ATP1B3: variants seen among roughly 807,000 people sequenced by gnomAD.
ATP1B3 encodes the protein ATPase Na+/K+ transporting subunit beta 3.
In ATP1B3, 10 loss-of-function variants were observed where a neutral mutation model predicts 30.2. That is an observed-to-expected ratio of 0.33 (90% CI 0.20 to 0.56). The LOEUF is 0.56. Among genes scored for constraint, ATP1B3 ranks in the 20% least tolerant of loss-of-function variants. The pLI is 0.90. For synonymous variants in ATP1B3, 113 were observed against 117.0 expected, an observed-to-expected ratio of 0.97 and a Z score of 0.22; for missense variants, 238 against 336.7, an observed-to-expected ratio of 0.71 and a Z score of 2.29.
Position 141,876,671 on chromosome 3 carries a change from G to T in ATP1B3, c.-131G>T, listed in dbSNP as rs1220118653. On this transcript the variant is annotated 5_prime_UTR_variant, in exon 1 of 7. Coordinates refer to ENST00000286371, the MANE Select transcript of ATP1B3 (RefSeq NM_001679.4). ...CGGCTCGAGTACTCCCCGTAACGAG[G>T]AGGTGTTCTCGGCCGTCCCACCCTT... is the stretch of plus-strand genomic sequence containing the variant. 5 of 588,522 alleles carry T rather than the reference G, an allele frequency of 8.5e-6. No individual in the cohort carries two copies. The highest frequency in any genetic ancestry group is 4.0e-5 in the South Asian group (2 of 49,738). The allele number at this position is 588,522 out of a possible 1,614,324, so 36.5% of individuals were successfully genotyped here.
In ATP1B3 at chr3:141,876,940, C is replaced by T. The variant is rs374773348; in HGVS notation, c.109+30C>T. The T allele has an allele frequency of 2.8e-5, 43 of 1,524,092 alleles. No individual in the cohort carries two copies. In the African/African-American group the frequency reaches 5.5e-4, roughly 20 times the overall value. The allele number at this position is 1,524,092 out of a possible 1,614,324, so 94.4% of individuals were successfully genotyped here. On this transcript the variant is annotated intron_variant, in intron 1 of 6. Coordinates refer to ENST00000286371, the MANE Select transcript of ATP1B3 (RefSeq NM_001679.4). ...GCGGGCAGCAGCTGGGCGTCCGGGG[C>T]CGGCCTCGGTCCCGGGGGCGCCGGG...
intron 3 of ATP1B3, among the ~76,000 whole-genome samples, chr3:141,910,343 A>G (rs916597633): frequency 3.9e-5 from 6 of 152,074 alleles, no homozygotes; most frequent in African/African-American, 1.4e-4. Flanking sequence ...TTTTTCTTCC[A>G]TATCTATAAA....
intron 1 of ATP1B3, among the ~76,000 whole-genome samples, chr3:141,889,048 T>C (rs1933885926): frequency 6.7e-6 from 1 of 150,166 alleles, no homozygotes; most frequent in South Asian, 2.1e-4. Context: ...AGCAAGGCAC[T>C]TCTTATTCTT....
In ATP1B3 at chr3:141,913,809, C is replaced by A; in HGVS notation, c.504C>A (p.Asn168Lys). ...NDPDFGYSQGNPCILVKMNRI... is the reference protein window; with the variant it reads ...NDPDFGYSQGKPCILVKMNRI... ...CTGATTTTGGCTATTCTCAAGGAAA[C>A]CCTTGTATTCTTGTGAAAATGAACA... is the stretch of plus-strand genomic sequence containing the variant. Residue 168 changes from asparagine (N) to lysine (K), a missense_variant, in exon 4 of 7, where the codon AAC (asparagine) becomes AAA (lysine). Physicochemically the swap from Asn to Lys is moderately conservative, Grantham distance 94. Around this residue, in one of 3 missense-constraint regions of ATP1B3, gnomAD observed 58 missense variants for 125.6 expected, o/e 0.46. Transcript: ENST00000286371. The A allele has an allele frequency of 1.2e-6, 2 of 1,612,864 alleles. No homozygotes were observed. Among genetic ancestry groups the A allele is most frequent in the Non-Finnish European group, 8.5e-7 (1 of 1,179,564 alleles).
At chr3:141,877,017 C>T (rs1933610507) in intron 1 of ATP1B3, 107 bp downstream of exon 1, 3 of 778,728 alleles carry the variant, frequency 3.9e-6, no homozygotes, top group Non-Finnish European at 5.6e-6. Context: ...CGCCGGGGCT[C>T]CCGACCGCCC....
rs550676502 is a variant in ATP1B3 at position 141,895,991 on chromosome 3, A to T, written c.110-7629A>T. On this transcript the variant is annotated intron_variant, in intron 1 of 6. Coordinates refer to ENST00000286371, the MANE Select transcript of ATP1B3 (RefSeq NM_001679.4). ...ACTAATGATTTGGAACACACTTTTT[A>T]TGGGCTTATTTTTGCAATCCTTACA... 2.0e-5 allele frequency among the ~76,000 whole-genome samples: 3 copies of T among 152,132 alleles called. No individual in the cohort carries two copies. In the East Asian group the frequency reaches 5.8e-4, roughly 29 times the overall value.
chr3:141,888,314 A>G (rs534210221), intron 1 of ATP1B3, among the ~76,000 whole-genome samples: 3 of 152,282 alleles, frequency 2.0e-5, no homozygotes, highest in Admixed American at 6.5e-5. Context: ...ACAGATGACT[A>G]TCAGGTTTCC....
chr3:141,885,506 T>A (rs1933811661), intron 1 of ATP1B3, among the ~76,000 whole-genome samples: 2 of 152,180 alleles, frequency 1.3e-5, no homozygotes, highest in Non-Finnish European at 2.9e-5. Context: ...TGGAGTGCAA[T>A]GGCACAATCT....
chr3:141,887,170 C>T (rs1476431853), intron 1 of ATP1B3, among the ~76,000 whole-genome samples: 1 of 152,168 alleles, frequency 6.6e-6, no homozygotes, highest in Non-Finnish European at 1.5e-5. Flanking sequence ...TACCTAACTC[C>T]ATTACTGTAG....
chr3:141,902,146 T>G, intron 1 of ATP1B3: 10 of 1,289,802 alleles, frequency 7.8e-6, no homozygotes, highest in Non-Finnish European at 1.0e-5. Flanking sequence ...GATCGCAGTA[T>G]GTGGTAGGGA....
intron 1 of ATP1B3, among the ~76,000 whole-genome samples, chr3:141,898,536 T>C (rs1934109589): frequency 6.6e-6 from 1 of 152,090 alleles, no homozygotes; most frequent in East Asian, 1.9e-4. Flanking sequence ...AAAATGCAAA[T>C]TAAACCCACA....
rs765954163 is a variant in ATP1B3 at position 141,876,876 on chromosome 3, C to CCCA, written c.75_76insCCA (p.Thr25_Gly26insPro). ...AGCTCTTCATCTACAACCCGACCAC[C>CCCA]GGAGAATTCCTGGGGCGCACCGCCA... On this transcript the variant is annotated inframe_insertion, in exon 1 of 7. Coordinates refer to ENST00000286371, the MANE Select transcript of ATP1B3 (RefSeq NM_001679.4). 2.9e-5 allele frequency: 46 copies of CCCA among 1,581,900 alleles called. No homozygotes were observed. Among genetic ancestry groups the CCCA allele is most frequent in the Non-Finnish European group, 4.0e-5 (46 of 1,164,318 alleles).
chr3:141,898,546 A>G (rs1177144268), intron 1 of ATP1B3, among the ~76,000 whole-genome samples: 3 of 152,206 alleles, frequency 2.0e-5, no homozygotes, highest in African/African-American at 4.8e-5. Context: ...TTAAACCCAC[A>G]AAGAGATACT....
At chr3:141,909,420 G>C (rs1934318073) in intron 3 of ATP1B3, among the ~76,000 whole-genome samples, 1 of 152,202 alleles carries the variant, frequency 6.6e-6, no homozygotes, top group African/African-American at 2.4e-5. Context: ...TACATCCTGA[G>C]GGGGAAAATA....
At chr3:141,919,314 C>CA (rs1417455569) in intron 5 of ATP1B3, among the ~76,000 whole-genome samples, 1 of 150,782 alleles carries the variant, frequency 6.6e-6, no homozygotes, top group Non-Finnish European at 1.5e-5. Flanking sequence ...GACAGGGTGT[C>CA]ACCATGTTGC....
At position 141,876,724 on chromosome 3, in the gene ATP1B3, G is replaced by C; in HGVS notation, c.-78G>C. 1 of 1,149,264 alleles carries C rather than the reference G, an allele frequency of 8.7e-7. No individual in the cohort carries two copies. The highest frequency in any genetic ancestry group is 1.3e-6 in the Non-Finnish European group (1 of 796,712). 71.2% of individuals were successfully genotyped at this position (1,149,264 alleles called of 1,614,324 possible). The stretch of plus-strand genomic sequence containing the variant: ...CTGCCGTCTCCGGGCTGCGCCGCCG[G>C]AGCCGGGACGCGCCTCCGCAGCCCT... On this transcript the variant is annotated 5_prime_UTR_variant, in exon 1 of 7. Coordinates refer to ENST00000286371, the MANE Select transcript of ATP1B3 (RefSeq NM_001679.4).
chr3:141,877,322 G>A (rs1933624170), intron 1 of ATP1B3, among the ~76,000 whole-genome samples: 1 of 152,018 alleles, frequency 6.6e-6, no homozygotes, highest in South Asian at 2.1e-4. Flanking sequence ...TGGCGGAGGC[G>A]CCCGGCCCGC....
chr3:141,877,020 G>A, intron 1 of ATP1B3, 110 bp downstream of exon 1: 2 of 780,484 alleles, frequency 2.6e-6, no homozygotes, highest in Non-Finnish European at 1.9e-6. Flanking sequence ...CGGGGCTCCC[G>A]ACCGCCCGAC....
chr3:141,880,377 A>G (rs1312469100), intron 1 of ATP1B3, among the ~76,000 whole-genome samples: 1 of 152,236 alleles, frequency 6.6e-6, no homozygotes, highest in Non-Finnish European at 1.5e-5. Context: ...GGGTGATCCA[A>G]GTGTACTTAG....
Sources: allele counts gnomAD v4.1 joint callset (sites outside exome capture counted in the v4.1 genomes callset), GRCh38; gene constraint gnomAD v4.1.1; regional missense constraint gnomAD v4.1.1; transcripts MANE v1.5; gene names NCBI Gene and HGNC (gene_info 2026-07-23, HGNC 2026-07-21).